TBC1D22A: variants seen among roughly 807,000 people sequenced by gnomAD.
TBC1D22A encodes putative GTPase activator.
A neutral mutation model predicts 60.2 loss-of-function variants in TBC1D22A; 38 were observed. The observed-to-expected ratio is 0.63, with a 90% CI of 0.49 to 0.83. The LOEUF (loss-of-function observed/expected upper bound fraction) is 0.83, where lower values mean the gene tolerates loss of function less well. TBC1D22A is among the 40% of genes least tolerant of loss of function. The probability of loss-of-function intolerance (pLI) is 0.00; values close to 1 mark genes in which losing one functional copy is unlikely to be tolerated. For synonymous variants in TBC1D22A, 302 were observed against 281.7 expected (o/e 1.07, Z -0.72); for missense variants, 628 against 701.0 (o/e 0.90, Z 1.18).
Position 46,891,388 on chromosome 22 carries a change from C to G in TBC1D22A, c.831C>G (p.Tyr277Ter). ...ACGACGAAGTTCACCAGGACACATA[C>G]AGGCAGGTGGGAATCCTTTCTTTTT... ...SRNDEVHQDT[Y>*]RQIHIDIPRM... The change falls in exon 6 of 13, where the codon TAC becomes TAG. Residue 277 changes from tyrosine to a stop codon, truncating the protein, a stop_gained. Transcript: ENST00000337137. LOFTEE classifies it high-confidence loss of function. 1.2e-6 allele frequency: 2 copies of G among 1,606,412 alleles called. No homozygotes were observed. Among genetic ancestry groups the G allele is most frequent in the South Asian group, 1.1e-5 (1 of 89,188 alleles).
chr22:46,883,956 C>T (rs2067980833), intron 5 of TBC1D22A, among the ~76,000 whole-genome samples: 1 of 152,156 alleles, frequency 6.6e-6, no homozygotes, highest in Non-Finnish European at 1.5e-5. Flanking sequence ...CATCTTTCTC[C>T]CTGAGTCTCA....
At chr22:46,965,991 G>T (rs1271042175) in intron 8 of TBC1D22A, among the ~76,000 whole-genome samples, 3 of 152,102 alleles carry the variant, frequency 2.0e-5, no homozygotes, top group South Asian at 2.1e-4. Context: ...CACACCTCCC[G>T]CAGCCATGGC....
At chr22:46,966,816 C>T (rs995142775) in intron 8 of TBC1D22A, among the ~76,000 whole-genome samples, 1 of 152,236 alleles carries the variant, frequency 6.6e-6, no homozygotes. Flanking sequence ...TGTTCCCAGG[C>T]CCCGAGGCCT....
chr22:46,991,805 C>T lies in TBC1D22A; in HGVS notation c.1126-5829C>T, dbSNP rs921939311. Among the ~76,000 whole-genome samples, 11 of 152,170 alleles carry T rather than the reference C, an allele frequency of 7.2e-5. No individual in the cohort carries two copies. The South Asian group carries it at 1.0e-3, about 14-fold the overall frequency. On this transcript the variant is annotated intron_variant, in intron 9 of 12. Coordinates refer to ENST00000337137, the MANE Select transcript of TBC1D22A (RefSeq NM_014346.5). Reference sequence around the variant, plus strand: ...CGGAACGGTCTCCTCTTGCCTCAGCCGCAGCTTGCTCGCTGCCCTCCAGCT... The same window carrying T: ...CGGAACGGTCTCCTCTTGCCTCAGCTGCAGCTTGCTCGCTGCCCTCCAGCT...
At chr22:47,032,708 A>T (rs775419495) in intron 10 of TBC1D22A, among the ~76,000 whole-genome samples, 1 of 152,192 alleles carries the variant, frequency 6.6e-6, no homozygotes, top group Non-Finnish European at 1.5e-5. Flanking sequence ...AGGGATGTGC[A>T]GTGTGGCCGT....
At chr22:46,975,646 C>A (rs996395952) in intron 9 of TBC1D22A, among the ~76,000 whole-genome samples, 1 of 152,154 alleles carries the variant, frequency 6.6e-6, no homozygotes, top group Non-Finnish European at 1.5e-5. Context: ...TGAGCCATTG[C>A]GGTAAAGGTT....
chr22:46,842,885 T>A (rs1051491353), intron 4 of TBC1D22A, among the ~76,000 whole-genome samples: 4 of 152,154 alleles, frequency 2.6e-5, no homozygotes, highest in African/African-American at 4.8e-5. Flanking sequence ...TGGAGCAGTG[T>A]CTGGGTGACA....
chr22:47,163,339 T>C (rs1473655661), intron 12 of TBC1D22A, among the ~76,000 whole-genome samples: 2 of 152,218 alleles, frequency 1.3e-5, no homozygotes, highest in Non-Finnish European at 1.5e-5. Flanking sequence ...TTTGTCTTGC[T>C]TGCCCTCTCC....
At chr22:46,839,073 G>A (rs2086640655) in intron 4 of TBC1D22A, among the ~76,000 whole-genome samples, 1 of 152,124 alleles carries the variant, frequency 6.6e-6, no homozygotes, top group Non-Finnish European at 1.5e-5. Context: ...TGTGCAGTTC[G>A]CATGATCTTA....
chr22:46,816,985 G>C (rs564752522), intron 4 of TBC1D22A, among the ~76,000 whole-genome samples: 1 of 152,064 alleles, frequency 6.6e-6, no homozygotes, highest in Non-Finnish European at 1.5e-5. Flanking sequence ...GCTGATGTTC[G>C]AACATTAAAG....
chr22:46,851,354 G>A (rs2087268079), intron 4 of TBC1D22A, among the ~76,000 whole-genome samples: 2 of 152,168 alleles, frequency 1.3e-5, no homozygotes, highest in Non-Finnish European at 2.9e-5. Context: ...GCTGGGGCAG[G>A]CATGGCTCTC....
intron 4 of TBC1D22A, among the ~76,000 whole-genome samples, chr22:46,857,041 C>T (rs1313930933): frequency 4.6e-5 from 7 of 152,246 alleles, no homozygotes; most frequent in Admixed American, 3.9e-4. Context: ...CCTGGAATGC[C>T]TGTGTCTCCC....
chr22:46,892,849 A>T (rs1403446536), intron 6 of TBC1D22A, among the ~76,000 whole-genome samples: 4 of 152,230 alleles, frequency 2.6e-5, no homozygotes, highest in Admixed American at 6.5e-5. Flanking sequence ...AAGGTTCCAG[A>T]TTATTGTGAA....
intron 12 of TBC1D22A, among the ~76,000 whole-genome samples, chr22:47,166,724 G>A (rs2068222605): frequency 6.6e-6 from 1 of 152,244 alleles, no homozygotes; most frequent in South Asian, 2.1e-4. Context: ...AGTGGGGCCC[G>A]GCATGAGGCA....
chr22:46,762,937 G>A lies in TBC1D22A; in HGVS notation c.62+89G>A, dbSNP rs894051205. The A allele has an allele frequency of 1.4e-5, 18 of 1,278,494 alleles. No individual in the cohort carries two copies. In the African/African-American group the frequency reaches 2.6e-4, roughly 18 times the overall value. 79.2% of individuals were successfully genotyped at this position (1,278,494 alleles called of 1,614,324 possible). On this transcript the variant is annotated intron_variant, in intron 1 of 12. Coordinates refer to ENST00000337137, the MANE Select transcript of TBC1D22A (RefSeq NM_014346.5). ...TCCTGGGCTGCGGGTGGAGTCGGGG[G>A]TCTGGAGAGGGCAACTTGGACTCTG... is the stretch of plus-strand genomic sequence containing the variant.
chr22:46,933,263 C>T (rs1010439076), intron 8 of TBC1D22A, among the ~76,000 whole-genome samples: 1 of 152,236 alleles, frequency 6.6e-6, no homozygotes, highest in African/African-American at 2.4e-5. Context: ...ATCACAACCA[C>T]AGCGTGTGCT....
intron 4 of TBC1D22A, among the ~76,000 whole-genome samples, chr22:46,867,330 G>A (rs933397170): frequency 3.9e-5 from 6 of 152,180 alleles, no homozygotes; most frequent in African/African-American, 1.4e-4. Flanking sequence ...ACAACCTCTG[G>A]CACAACCTCT....
intron 8 of TBC1D22A, chr22:46,915,279 G>A (rs1362533397): frequency 6.5e-5 from 26 of 400,156 alleles, no homozygotes; most frequent in Non-Finnish European, 7.6e-5. Context: ...AGGCACGGGT[G>A]CCCTCCAGAG....
At position 46,770,896 on chromosome 22, in the gene TBC1D22A, C is replaced by T. The variant is rs1445139087; in HGVS notation, c.62+8048C>T. Reference sequence around the variant, plus strand: ...GTTCCGGCAGTGATTGTGTGTTCCCCGCCAGTTGGGTTTCTCTTCTTGTTT... The same window carrying T: ...GTTCCGGCAGTGATTGTGTGTTCCCTGCCAGTTGGGTTTCTCTTCTTGTTT... On this transcript the variant is annotated intron_variant, in intron 1 of 12. Coordinates refer to ENST00000337137, the MANE Select transcript of TBC1D22A (RefSeq NM_014346.5). Among the ~76,000 whole-genome samples, 10 of 152,168 alleles carry T rather than the reference C, an allele frequency of 6.6e-5. No homozygotes were observed. The East Asian group carries it at 1.5e-3, about 23-fold the overall frequency.
Sources: allele counts gnomAD v4.1 joint callset (sites outside exome capture counted in the v4.1 genomes callset), GRCh38; gene constraint gnomAD v4.1.1; transcripts MANE v1.5; gene names NCBI Gene and HGNC (gene_info 2026-07-23, HGNC 2026-07-21).